The following CD2AP variants were observed in gnomAD, a reference collection of about 807,000 sequenced individuals.
CD2AP encodes the protein CD2-associated protein.
In CD2AP, 46 loss-of-function variants were observed where a neutral mutation model predicts 85.1. The ratio of observed to expected loss-of-function variants is 0.54; its 90% CI spans 0.43 to 0.69. CD2AP has a LOEUF of 0.69. CD2AP is among the 30% of genes least tolerant of loss of function. The probability of loss-of-function intolerance (pLI) is 0.00; values close to 1 mark genes in which losing one functional copy is unlikely to be tolerated. For missense variants in CD2AP, 769 were observed against 729.5 expected, an observed-to-expected ratio of 1.05 and a Z score of -0.62; for synonymous variants, 255 against 252.9, an observed-to-expected ratio of 1.01 and a Z score of -0.08.
rs1257026501 is a variant in CD2AP at position 47,624,449 on chromosome 6, T to C, written c.*222T>C. 6.1e-6 allele frequency: 3 copies of C among 488,636 alleles called. No individual in the cohort carries two copies. The highest frequency in any genetic ancestry group is 5.8e-5 in the African/African-American group (3 of 51,484). 30.3% of individuals were successfully genotyped at this position (488,636 alleles called of 1,614,324 possible). On this transcript the variant is annotated 3_prime_UTR_variant, in exon 18 of 18. Transcript: ENST00000359314. Reference sequence around the variant, plus strand: ...CCTTATTTCTTAACTGTGCTGGGATTGCAAACACTTTTTAAAAAATTGTTT... The same window carrying C: ...CCTTATTTCTTAACTGTGCTGGGATCGCAAACACTTTTTAAAAAATTGTTT...
At chr6:47,606,779 G>T (rs939492484) in intron 14 of CD2AP, among the ~76,000 whole-genome samples, 9 of 151,936 alleles carry the variant, frequency 5.9e-5, no homozygotes, top group Non-Finnish European at 8.8e-5. Flanking sequence ...GGTAAATGCG[G>T]TATCCATCAC....
chr6:47,480,600 A>G (rs9367279), intron 1 of CD2AP, among the ~76,000 whole-genome samples: 35,250 of 152,134 alleles, frequency 0.23, 4,218 homozygotes, highest in Non-Finnish European at 0.27. Context: ...TATAAATGGA[A>G]TAAAATATCA....
chr6:47,505,794 C>T (rs1183925844), intron 2 of CD2AP, among the ~76,000 whole-genome samples: 320 of 88,568 alleles, frequency 3.6e-3, no homozygotes, highest in African/African-American at 0.014. Flanking sequence ...GCTGGCCGGG[C>T]GGGGGGCTGA....
Position 47,624,398 on chromosome 6 carries a change from G to T in CD2AP, c.*171G>T. 1 of 581,648 alleles carries T rather than the reference G, an allele frequency of 1.7e-6. No individual in the cohort carries two copies. The allele number at this position is 581,648 out of a possible 1,614,324, so 36.0% of individuals were successfully genotyped here. On this transcript the variant is annotated 3_prime_UTR_variant, in exon 18 of 18. Coordinates refer to ENST00000359314, the MANE Select transcript of CD2AP (RefSeq NM_012120.3). ...GAGGGTGAATTTATATATATATTTT[G>T]TTTTGCCAATATGAAGAAAAAGAGG...
chr6:47,543,297 T>C (rs1767281263), intron 3 of CD2AP, among the ~76,000 whole-genome samples: 1 of 151,324 alleles, frequency 6.6e-6, no homozygotes, highest in Non-Finnish European at 1.5e-5. Flanking sequence ...AAAGAAACAA[T>C]ACATTTAAGT....
At chr6:47,514,328 C>A (rs1766397862) in intron 2 of CD2AP, among the ~76,000 whole-genome samples, 2 of 151,910 alleles carry the variant, frequency 1.3e-5, no homozygotes, top group Admixed American at 1.3e-4. Context: ...ATAAACTATA[C>A]CTCATTAATT....
intron 2 of CD2AP, among the ~76,000 whole-genome samples, chr6:47,514,720 C>T (rs17289198): frequency 0.034 from 5,171 of 152,148 alleles, 151 homozygotes; most frequent in Middle Eastern, 0.058. Flanking sequence ...ATAGGTGTTA[C>T]AGAATCTTTG....
intron 5 of CD2AP, among the ~76,000 whole-genome samples, chr6:47,566,044 C>G (rs978484133): frequency 6.6e-6 from 1 of 151,986 alleles, no homozygotes; most frequent in Non-Finnish European, 1.5e-5. Context: ...GAACATTCCT[C>G]TCTCACAGCC....
At chr6:47,496,394 T>G (rs770290719) in intron 1 of CD2AP, among the ~76,000 whole-genome samples, 5 of 152,202 alleles carry the variant, frequency 3.3e-5, no homozygotes, top group Non-Finnish European at 7.3e-5. Flanking sequence ...GTCTTTCACT[T>G]TTTGCAGTTT....
intron 1 of CD2AP, among the ~76,000 whole-genome samples, chr6:47,482,588 C>T (rs2113957108): frequency 6.6e-6 from 1 of 152,142 alleles, no homozygotes; most frequent in East Asian, 1.9e-4. Flanking sequence ...CCGTGTTAGC[C>T]AGGATGGTCT....
At chr6:47,606,618 A>T (rs1769282847) in intron 14 of CD2AP, among the ~76,000 whole-genome samples, 1 of 151,392 alleles carries the variant, frequency 6.6e-6, no homozygotes, top group African/African-American at 2.4e-5. Flanking sequence ...GATTGAGAAA[A>T]TTTTTTCCCC....
intron 17 of CD2AP, among the ~76,000 whole-genome samples, chr6:47,614,654 A>G (rs1769533523): frequency 6.6e-6 from 1 of 152,242 alleles, no homozygotes; most frequent in East Asian, 1.9e-4. Flanking sequence ...CAAAGTGATC[A>G]CATATTGTTG....
At chr6:47,529,159 C>T (rs1019063295) in intron 2 of CD2AP, among the ~76,000 whole-genome samples, 1 of 145,918 alleles carries the variant, frequency 6.9e-6, no homozygotes, top group Non-Finnish European at 1.5e-5. Context: ...TCTGCTCTCA[C>T]CTGGTATATT....
In CD2AP at chr6:47,624,556, A is replaced by G. The variant is rs961122271; in HGVS notation, c.*329A>G. 2 of 263,714 alleles carry G rather than the reference A, an allele frequency of 7.6e-6. No individual in the cohort carries two copies. Among genetic ancestry groups the G allele is most frequent in the Non-Finnish European group, 1.4e-5 (2 of 139,290 alleles). The allele number at this position is 263,714 out of a possible 1,614,324, so 16.3% of individuals were successfully genotyped here. ...ACTTGTATTATTTTTAAAGAGATCT[A>G]TACTATAAATATGGTGATATATTTA... On this transcript the variant is annotated 3_prime_UTR_variant, in exon 18 of 18. Coordinates refer to ENST00000359314, the MANE Select transcript of CD2AP (RefSeq NM_012120.3).
At chr6:47,613,220 G>A (rs1303735126) in intron 17 of CD2AP, among the ~76,000 whole-genome samples, 2 of 152,104 alleles carry the variant, frequency 1.3e-5, no homozygotes, top group Non-Finnish European at 2.9e-5. Context: ...CTTATGAATC[G>A]TGAATGTTCC....
intron 2 of CD2AP, among the ~76,000 whole-genome samples, chr6:47,515,250 G>T (rs1379446024): frequency 6.6e-6 from 1 of 151,962 alleles, no homozygotes; most frequent in Non-Finnish European, 1.5e-5. Flanking sequence ...AAAGTAGGGG[G>T]TACAGTATAT....
intron 11 of CD2AP, among the ~76,000 whole-genome samples, chr6:47,585,168 C>T (rs1028334571): frequency 6.8e-5 from 10 of 147,236 alleles, no homozygotes; most frequent in Admixed American, 4.7e-4. Context: ...CTGGGTGTAG[C>T]GGCGGGCGCC....
At position 47,596,012 on chromosome 6, in the gene CD2AP, A is replaced by G; in HGVS notation, c.1260A>G (p.Pro420=). The change falls in exon 12 of 18, where the codon CCA becomes CCG. Residue 420 remains proline, a synonymous_variant. Coordinates refer to ENST00000359314, the MANE Select transcript of CD2AP (RefSeq NM_012120.3). The part of the protein sequence containing the change: ...PKRPEKPVPP[P]PPIAKINGEV... Reference sequence around the variant, plus strand: ...GACCTGAAAAACCAGTTCCTCCACCACCTCCTATAGCCAAGTAAGTTTTAC... The same window carrying G: ...GACCTGAAAAACCAGTTCCTCCACCGCCTCCTATAGCCAAGTAAGTTTTAC... 3 of 1,611,680 alleles carry G rather than the reference A, an allele frequency of 1.9e-6. No individual in the cohort carries two copies. Among genetic ancestry groups the G allele is most frequent in the East Asian group, 2.2e-5 (1 of 44,800 alleles).
intron 5 of CD2AP, among the ~76,000 whole-genome samples, chr6:47,569,857 C>A (rs916611120): frequency 1.3e-5 from 2 of 152,156 alleles, no homozygotes; most frequent in Non-Finnish European, 2.9e-5. Context: ...TCACCTTATA[C>A]TCCTCCTGGT....
Sources: gnomAD v4.1 joint callset for allele counts (sites outside exome capture counted in the v4.1 genomes callset) on GRCh38, gnomAD v4.1.1 for gene constraint, MANE v1.5 for transcripts, NCBI Gene and HGNC (gene_info 2026-07-23, HGNC 2026-07-21) for gene names.